DGLUCY: variants seen among roughly 807,000 people sequenced by gnomAD.
DGLUCY encodes D-glutamate cyclase, mitochondrial.
A neutral mutation model predicts 58.5 loss-of-function variants in DGLUCY; 58 were observed. The ratio of observed to expected loss-of-function variants is 0.99; its 90% CI spans 0.80 to 1.23. The LOEUF is 1.23. Among genes scored for constraint, DGLUCY ranks in the 50% most tolerant of loss-of-function variants. The pLI, the probability that DGLUCY is intolerant of heterozygous loss-of-function variation, is 0.00. For synonymous variants in DGLUCY, 325 were observed against 314.1 expected (o/e 1.03, Z -0.37); for missense variants, 779 against 784.7 (o/e 0.99, Z 0.09).
rs527467239 is a variant in DGLUCY at position 91,060,803 on chromosome 14, A to C, written c.-82+99A>C. 28 of 175,354 alleles carry C rather than the reference A, an allele frequency of 1.6e-4. No individual in the cohort carries two copies. The East Asian group carries it at 3.9e-3, about 25-fold the overall frequency. The allele number at this position is 175,354 out of a possible 1,614,324, so 10.9% of individuals were successfully genotyped here. ...GGGCAGTACGCTGTGACGTTTCACGAGCCTCCCCGCCTCGCTCCTCGAATT... is the reference window on the plus strand; with the variant it reads ...GGGCAGTACGCTGTGACGTTTCACGCGCCTCCCCGCCTCGCTCCTCGAATT... On this transcript the variant is annotated intron_variant, in intron 1 of 4. Coordinates refer to the DGLUCY transcript ENST00000521334.
At chr14:91,173,473 T>C in intron 6 of DGLUCY, 34 bp downstream of exon 6, 1 of 1,558,738 alleles carries the variant, frequency 6.4e-7, no homozygotes. Flanking sequence ...ATGATCTTCC[T>C]GTTCACATGG....
intron 8 of DGLUCY, among the ~76,000 whole-genome samples, chr14:91,181,864 C>A (rs1040953020): frequency 2.0e-5 from 3 of 151,986 alleles, no homozygotes; most frequent in Non-Finnish European, 4.4e-5. Flanking sequence ...CCAGGCTGGT[C>A]TTAAACTGCT....
chr14:91,171,994 G>C (rs2048595943), intron 5 of DGLUCY, among the ~76,000 whole-genome samples: 3 of 152,090 alleles, frequency 2.0e-5, no homozygotes, highest in Admixed American at 2.0e-4. Context: ...AAATTCAGAG[G>C]CTCCATGATA....
At chr14:91,078,883 T>TATTC in intron 1 of DGLUCY, among the ~76,000 whole-genome samples, 1 of 145,042 alleles carries the variant, frequency 6.9e-6, no homozygotes, top group South Asian at 2.2e-4. Flanking sequence ...AATTTTTATT[T>TATTC]ATTTATTTAT....
intron 1 of DGLUCY, among the ~76,000 whole-genome samples, chr14:91,064,861 A>G (rs897647927): frequency 6.6e-6 from 1 of 152,158 alleles, no homozygotes; most frequent in African/African-American, 2.4e-5. Flanking sequence ...TGGCAAGGCA[A>G]ATGGAAGGTG....
At chr14:91,163,132 C>T (rs770717843) in intron 3 of DGLUCY, among the ~76,000 whole-genome samples, 3 of 152,016 alleles carry the variant, frequency 2.0e-5, no homozygotes, top group East Asian at 1.9e-4. Flanking sequence ...TGGGGGCATG[C>T]GCCTCTAATC....
chr14:91,163,470 G>A (rs1566976096), intron 3 of DGLUCY, among the ~76,000 whole-genome samples: 1 of 152,114 alleles, frequency 6.6e-6, no homozygotes, highest in African/African-American at 2.4e-5. Flanking sequence ...TCCTCATTTG[G>A]AAAGTCTGCT....
chr14:91,190,337 C>T (rs911958672), intron 9 of DGLUCY, among the ~76,000 whole-genome samples: 9 of 152,126 alleles, frequency 5.9e-5, no homozygotes, highest in African/African-American at 1.7e-4. Context: ...AACAGTCCTG[C>T]CCCCACGGAG....
At chr14:91,133,113 G>A (rs1371439957) in intron 1 of DGLUCY, among the ~76,000 whole-genome samples, 1 of 151,970 alleles carries the variant, frequency 6.6e-6, no homozygotes, top group Non-Finnish European at 1.5e-5. Flanking sequence ...GGCCAACATG[G>A]TGAAACCCCT....
At chr14:91,150,123 G>A (rs1428619416) in intron 1 of DGLUCY, among the ~76,000 whole-genome samples, 1 of 150,398 alleles carries the variant, frequency 6.6e-6, no homozygotes. Context: ...GGAGGCTGTG[G>A]CAGGAGAATT....
At chr14:91,184,241 T>C (rs1450605259) in intron 8 of DGLUCY, among the ~76,000 whole-genome samples, 1 of 151,992 alleles carries the variant, frequency 6.6e-6, no homozygotes, top group Non-Finnish European at 1.5e-5. Context: ...GACCTTCCCC[T>C]GCTGGCCAGC....
In DGLUCY at chr14:91,180,262, A is replaced by G. The variant is rs374741587; in HGVS notation, c.731-924A>G. Among the ~76,000 whole-genome samples the G allele has an allele frequency of 2.1e-4, 32 of 152,090 alleles. 1 individual carries two copies. The East Asian group carries it at 4.7e-3, about 22-fold the overall frequency. ...CATATGAGGCATTATCATTACAGTC[A>G]AAGAAACAGGTTTAAAGAATAAAGT... On this transcript the variant is annotated intron_variant, in intron 7 of 13. Transcript: ENST00000256324.
chr14:91,182,768 G>T (rs773948260), intron 8 of DGLUCY, among the ~76,000 whole-genome samples: 9 of 152,154 alleles, frequency 5.9e-5, no homozygotes, highest in Non-Finnish European at 1.3e-4. Flanking sequence ...ACAACAGTTT[G>T]CAGTCAACTT....
intron 8 of DGLUCY, among the ~76,000 whole-genome samples, chr14:91,188,542 T>C (rs1369010616): frequency 6.6e-6 from 1 of 152,212 alleles, no homozygotes; most frequent in Admixed American, 6.5e-5. Flanking sequence ...ATAATCACTT[T>C]TGGCTGGGTG....
intron 1 of DGLUCY, among the ~76,000 whole-genome samples, chr14:91,108,497 G>GTT: frequency 3.1e-5 from 2 of 65,486 alleles, no homozygotes; most frequent in Admixed American, 3.7e-4. Flanking sequence ...TTGTGTGTGT[G>GTT]TGTGTGTGTG....
At chr14:91,130,147 A>G (rs958704457) in intron 1 of DGLUCY, among the ~76,000 whole-genome samples, 4 of 152,138 alleles carry the variant, frequency 2.6e-5, no homozygotes, top group African/African-American at 7.2e-5. Context: ...GTGGTTTATA[A>G]CAATCAACCC....
chr14:91,084,559 C>T (rs1233315424), intron 1 of DGLUCY, among the ~76,000 whole-genome samples: 2 of 152,040 alleles, frequency 1.3e-5, no homozygotes, highest in East Asian at 1.9e-4. Context: ...CTAGCACTAA[C>T]GTTCAAGCCC....
rs926522451 is a variant in DGLUCY, at chr14:91,120,740, G to T, written c.-82+6457G>T. On this transcript the variant is annotated intron_variant, in intron 1 of 13. Transcript: ENST00000256324. ...TAATTATTTGTGATTCCTTTCTTTC[G>T]TTGCACCTTTTGCATACATTCAATC... Among the ~76,000 whole-genome samples, 7 of 152,110 alleles carry T rather than the reference G, an allele frequency of 4.6e-5. No homozygotes were observed. The South Asian group carries it at 1.4e-3, about 32-fold the overall frequency.
In DGLUCY at chr14:91,212,467, C is replaced by G. The variant is rs1269358959; in HGVS notation, c.1565-2938C>G. On this transcript the variant is annotated intron_variant, in intron 12 of 13. Transcript: ENST00000256324. The stretch of plus-strand genomic sequence containing the variant: ...TGTTGTAAGGACTCCAGGAGCTACT[C>G]TATGTAAGGCATTTACAACAGTGCC... Among the ~76,000 whole-genome samples the G allele has an allele frequency of 2.6e-5, 4 of 152,280 alleles. No homozygotes were observed. In the East Asian group the frequency reaches 7.7e-4, roughly 29 times the overall value.
Sources: gnomAD v4.1 joint callset for allele counts (sites outside exome capture counted in the v4.1 genomes callset) on GRCh38, gnomAD v4.1.1 for gene constraint, MANE v1.5 for transcripts, NCBI Gene and HGNC (gene_info 2026-07-23, HGNC 2026-07-21) for gene names.